The following GIN1 variants were observed in gnomAD, a reference collection of about 807,000 sequenced individuals.
GIN1 encodes the protein gypsy retrotransposon integrase 1.
Under a neutral mutation model 51.4 loss-of-function variants are expected in GIN1, and 41 were observed. The ratio of observed to expected loss-of-function variants is 0.80; its 90% CI spans 0.62 to 1.04. The LOEUF (loss-of-function observed/expected upper bound fraction) is 1.04. Among genes scored for constraint, GIN1 ranks in the 50% least tolerant of loss-of-function variants. The pLI, the probability that GIN1 is intolerant of heterozygous loss-of-function variation, is 0.00. For synonymous variants in GIN1, 222 were observed against 206.5 expected (o/e 1.07, Z -0.64); for missense variants, 610 against 612.4 (o/e 1.00, Z 0.04).
chr5:103,091,387 A>G (rs560650047), intron 7 of GIN1, among the ~76,000 whole-genome samples: 49 of 152,348 alleles, frequency 3.2e-4, no homozygotes, highest in African/African-American at 1.2e-3. Context: ...TTAGGGATAC[A>G]GAAAAGAATA....
intron 4 of GIN1, among the ~76,000 whole-genome samples, chr5:103,101,199 C>G (rs1787564766): frequency 6.6e-6 from 1 of 152,116 alleles, no homozygotes; most frequent in Non-Finnish European, 1.5e-5. Context: ...CACTACTAAC[C>G]ACTACATTTG....
At chr5:103,092,777 C>A (rs1787282912) in intron 7 of GIN1, among the ~76,000 whole-genome samples, 1 of 151,366 alleles carries the variant, frequency 6.6e-6, no homozygotes, top group South Asian at 2.1e-4. Context: ...AAGACCCTGT[C>A]TCTATAAAAA....
intron 7 of GIN1, among the ~76,000 whole-genome samples, chr5:103,093,035 T>C (rs1287798399): frequency 6.9e-6 from 1 of 145,740 alleles, no homozygotes; most frequent in Non-Finnish European, 1.5e-5. Flanking sequence ...CTGCATAAAC[T>C]ATATTAACGT....
intron 1 of GIN1, among the ~76,000 whole-genome samples, chr5:103,112,982 GTACT>G (rs1787929070): frequency 1.3e-5 from 2 of 152,108 alleles, no homozygotes; most frequent in Non-Finnish European, 2.9e-5. Context: ...TATGCAAAGA[GTACT>G]ATCAAAACAG....
chr5:103,098,599 C>T (rs1787476149), intron 4 of GIN1, among the ~76,000 whole-genome samples: 1 of 152,084 alleles, frequency 6.6e-6, no homozygotes, highest in Admixed American at 6.5e-5. Context: ...GCTTGGACTA[C>T]AGGCATGTGT....
rs547996138 is a variant in GIN1, at chr5:103,087,049, T to C, written c.*849A>G. The stretch of plus-strand genomic sequence containing the variant: ...GAGCTGTGGCATGAGCGCGGCTCAC[T>C]GCAGCCTCGACCTCCTGGGGTCAAG... On this transcript the variant is annotated 3_prime_UTR_variant, in exon 8 of 8. Transcript: ENST00000399004. The C allele has an allele frequency of 5.4e-4, 83 of 152,412 alleles. No homozygotes were observed. Among genetic ancestry groups the C allele is most frequent in the African/African-American group, 2.0e-3 (82 of 41,592 alleles). 9.4% of individuals were successfully genotyped at this position (152,412 alleles called of 1,614,324 possible).
intron 4 of GIN1, among the ~76,000 whole-genome samples, chr5:103,098,108 C>T (rs1554195375): frequency 6.6e-6 from 1 of 152,188 alleles, no homozygotes; most frequent in Non-Finnish European, 1.5e-5. Context: ...GTCTTGAACT[C>T]CTGACCTTGT....
chr5:103,098,173 G>A (rs1049027214), intron 4 of GIN1, among the ~76,000 whole-genome samples: 1 of 152,072 alleles, frequency 6.6e-6, no homozygotes, highest in African/African-American at 2.4e-5. Flanking sequence ...GAGCCACTGC[G>A]CCTGGCTGAA....
chr5:103,098,657 C>T (rs1554195426), intron 4 of GIN1, among the ~76,000 whole-genome samples: 1 of 152,012 alleles, frequency 6.6e-6, no homozygotes, highest in East Asian at 1.9e-4. Context: ...TGGAGTTTCA[C>T]CATGTTGCCC....
chr5:103,119,007 T>C (rs1788216271), intron 1 of GIN1, among the ~76,000 whole-genome samples: 1 of 152,188 alleles, frequency 6.6e-6, no homozygotes, highest in South Asian at 2.1e-4. Flanking sequence ...AGTGATTGAT[T>C]ACAACTTGTA....
Position 103,091,073 on chromosome 5 carries a change from C to CA in GIN1, c.1295-2902dup, listed in dbSNP as rs1240316713. Among the ~76,000 whole-genome samples, 33 of 151,932 alleles carry CA rather than the reference C, an allele frequency of 2.2e-4. No individual in the cohort carries two copies. The Middle Eastern group carries it at 0.01, about 47-fold the overall frequency. On this transcript the variant is annotated intron_variant, in intron 7 of 7. Coordinates refer to ENST00000399004, the MANE Select transcript of GIN1 (RefSeq NM_017676.2). ...AATATGTCAAAGGCCTGTTTGTTTACAAAAAAAATTCTCATTCATTTGCAA... is the reference window on the plus strand; with the variant it reads ...AATATGTCAAAGGCCTGTTTGTTTACAAAAAAAAATTCTCATTCATTTGCAA...
At chr5:103,098,695 G>A (rs982023352) in intron 4 of GIN1, among the ~76,000 whole-genome samples, 4 of 152,076 alleles carry the variant, frequency 2.6e-5, no homozygotes, top group Non-Finnish European at 5.9e-5. Context: ...CTGGACTCAA[G>A]CAATCCATGC....
chr5:103,120,032 G>T (rs1554198306), intron 1 of GIN1, 32 bp downstream of exon 1: 2 of 166,628 alleles, frequency 1.2e-5, no homozygotes, highest in African/African-American at 4.8e-5. Flanking sequence ...AAAACAGTAG[G>T]TATGACACAG....
intron 1 of GIN1, among the ~76,000 whole-genome samples, chr5:103,112,769 A>G (rs782059511): frequency 7.2e-5 from 11 of 152,034 alleles, no homozygotes; most frequent in Non-Finnish European, 1.3e-4. Context: ...TACCCTTTTT[A>G]ATAGTTTTTT....
chr5:103,107,725 T>C (rs1787766326), intron 2 of GIN1, among the ~76,000 whole-genome samples: 3 of 152,222 alleles, frequency 2.0e-5, no homozygotes, highest in Admixed American at 2.0e-4. Context: ...CAGTTAACAT[T>C]TGTTACATAA....
rs1484498340 is a variant in GIN1, at chr5:103,086,000, T to C, written c.*1898A>G. 2.0e-5 allele frequency: 3 copies of C among 152,218 alleles called. No homozygotes were observed. The highest frequency in any genetic ancestry group is 4.4e-5 in the Non-Finnish European group (3 of 68,038). The allele number at this position is 152,218 out of a possible 1,614,324, so 9.4% of individuals were successfully genotyped here. On this transcript the variant is annotated 3_prime_UTR_variant, in exon 8 of 8. Transcript: ENST00000399004. Reference sequence around the variant, plus strand: ...CTGTAACAAAGTCCCACAAACTGGATGGCTGAAACAATAGAATTTTATTGT... The same window carrying C: ...CTGTAACAAAGTCCCACAAACTGGACGGCTGAAACAATAGAATTTTATTGT...
chr5:103,110,897 C>G (rs1449872836), intron 1 of GIN1, among the ~76,000 whole-genome samples: 2 of 152,176 alleles, frequency 1.3e-5, no homozygotes, highest in Non-Finnish European at 2.9e-5. Flanking sequence ...TACCAAGTTT[C>G]ATGTCGCTCC....
intron 2 of GIN1, among the ~76,000 whole-genome samples, chr5:103,107,194 T>A (rs946815180): frequency 2.0e-5 from 3 of 152,028 alleles, no homozygotes; most frequent in Non-Finnish European, 4.4e-5. Flanking sequence ...TACGGAAATA[T>A]GAAATTATCT....
At position 103,110,839 on chromosome 5, in the gene GIN1, T is replaced by C. The variant is rs373615417; in HGVS notation, c.-7-2125A>G. Among the ~76,000 whole-genome samples, 7 of 152,250 alleles carry C rather than the reference T, an allele frequency of 4.6e-5. No homozygotes were observed. The South Asian group carries it at 1.5e-3, about 32-fold the overall frequency. ...TGGAAACAGTAAAGGTATCAAGAAGTTTTACCATGCGTATACTCTGTTCTG... is the reference window on the plus strand; with the variant it reads ...TGGAAACAGTAAAGGTATCAAGAAGCTTTACCATGCGTATACTCTGTTCTG... On this transcript the variant is annotated intron_variant, in intron 1 of 7. Coordinates refer to ENST00000399004, the MANE Select transcript of GIN1 (RefSeq NM_017676.2).
Sources: gnomAD v4.1 joint callset for allele counts (sites outside exome capture counted in the v4.1 genomes callset) on GRCh38, gnomAD v4.1.1 for gene constraint, MANE v1.5 for transcripts, NCBI Gene and HGNC (gene_info 2026-07-23, HGNC 2026-07-21) for gene names.